Variants in SLC43A2 observed in about 807,000 individuals in gnomAD.
The protein encoded by SLC43A2 is large neutral amino acids transporter small subunit 4.
In SLC43A2, 38 loss-of-function variants were observed where a neutral mutation model predicts 63.2. That is an observed-to-expected ratio of 0.60 (90% CI 0.46 to 0.79). The LOEUF is 0.79. Ranked by LOEUF, SLC43A2 falls within the 30% of genes least tolerant of loss-of-function variation. SLC43A2 has a pLI of 0.00. For synonymous variants in SLC43A2, 322 were observed against 331.0 expected (o/e 0.97, Z 0.30); for missense variants, 644 against 756.2 (o/e 0.85, Z 1.74).
rs1440578935 is a variant in SLC43A2, at chr17:1,590,794, G to T, written c.1078+8C>A. 3.2e-6 allele frequency: 5 copies of T among 1,552,640 alleles called. No individual in the cohort carries two copies. In the East Asian group the frequency reaches 9.6e-5, roughly 30 times the overall value. ...GTGACAGCGACCGAGGCTGCCCGGGGCACCTACCTGTCTTCTGGTCGCCGC... is the reference window on the plus strand; with the variant it reads ...GTGACAGCGACCGAGGCTGCCCGGGTCACCTACCTGTCTTCTGGTCGCCGC... On this transcript the variant is annotated splice_region_variant and intron_variant, in intron 9 of 13. Transcript: ENST00000301335.
intron 5 of SLC43A2, among the ~76,000 whole-genome samples, chr17:1,610,733 G>A (rs550338968): frequency 8.0e-4 from 120 of 150,936 alleles, no homozygotes; most frequent in African/African-American, 2.7e-3. Context: ...AATAAAAAAT[G>A]TAATGAAAAA....
Position 1,575,660 on chromosome 17 carries a change from C to A in SLC43A2, c.1654G>T (p.Asp552Tyr). 1.2e-6 allele frequency: 2 copies of A among 1,614,078 alleles called. No homozygotes were observed. Among genetic ancestry groups the A allele is most frequent in the Non-Finnish European group, 1.7e-6 (2 of 1,180,010 alleles). ...TTGATTTTGAGGAAGAGTTTGTCATCCTCCTGCCTCTGCTGCAGCTGCCGC... is the reference window on the plus strand; with the variant it reads ...TTGATTTTGAGGAAGAGTTTGTCATACTCCTGCCTCTGCTGCAGCTGCCGC... ...LERQLQQRQEDDKLFLKINGS... is the reference protein window; with the variant it reads ...LERQLQQRQEYDKLFLKINGS... Residue 552 changes from aspartate to tyrosine, a missense_variant, in exon 14 of 14, where the codon GAT (aspartate) becomes TAT (tyrosine). Physicochemically the swap from Asp to Tyr is radical, Grantham distance 160. Coordinates refer to ENST00000301335, the MANE Select transcript of SLC43A2 (RefSeq NM_152346.3).
intron 2 of SLC43A2, among the ~76,000 whole-genome samples, chr17:1,627,156 G>A (rs1377666225): frequency 1.3e-5 from 2 of 152,188 alleles, no homozygotes; most frequent in Non-Finnish European, 2.9e-5. Context: ...GCCCGTGGGG[G>A]AAATGTCCTT....
intron 6 of SLC43A2, 75 bp from the exon 7 acceptor site, chr17:1,591,774 G>A (rs1356972472): frequency 3.2e-5 from 38 of 1,201,616 alleles, no homozygotes; most frequent in Non-Finnish European, 4.2e-5. Flanking sequence ...GCCGCAGCAG[G>A]CAGGGGCGTC....
At position 1,569,806 on chromosome 17, in the gene SLC43A2, C is replaced by T. The variant is rs1386493996; in HGVS notation, c.*5798G>A. 3 of 150,482 alleles carry T rather than the reference C, an allele frequency of 2.0e-5. No homozygotes were observed. Among genetic ancestry groups the T allele is most frequent in the African/African-American group, 2.5e-5 (1 of 40,802 alleles). 9.3% of individuals were successfully genotyped at this position (150,482 alleles called of 1,614,324 possible). The stretch of plus-strand genomic sequence containing the variant: ...GTGAAAGCCACAAAAGAAAAGTGAA[C>T]GAGAGAAGAGTTTCTTAAGGCTTTG... On this transcript the variant is annotated 3_prime_UTR_variant, in exon 14 of 14. Coordinates refer to ENST00000301335, the MANE Select transcript of SLC43A2 (RefSeq NM_152346.3).
chr17:1,612,120 G>A (rs781524157), intron 5 of SLC43A2, among the ~76,000 whole-genome samples: 1 of 151,842 alleles, frequency 6.6e-6, no homozygotes, highest in Admixed American at 6.6e-5. Flanking sequence ...TGCACCACCC[G>A]CCCGGCTAAT....
intron 11 of SLC43A2, among the ~76,000 whole-genome samples, chr17:1,581,202 C>CCACACACACACACGCA (rs2076007403): frequency 6.7e-6 from 1 of 148,364 alleles, no homozygotes; most frequent in South Asian, 2.2e-4. Context: ...TGCCCAGTGC[C>CCACACACACACACGCA]CACACACACA....
At chr17:1,586,722 C>T (rs544997059) in intron 9 of SLC43A2, among the ~76,000 whole-genome samples, 1 of 152,174 alleles carries the variant, frequency 6.6e-6, no homozygotes, top group East Asian at 1.9e-4. Flanking sequence ...CAGAAAGGCA[C>T]CGCTCACGGG....
At chr17:1,615,656 A>G (rs1349739117) in intron 3 of SLC43A2, among the ~76,000 whole-genome samples, 2 of 129,658 alleles carry the variant, frequency 1.5e-5, no homozygotes, top group Admixed American at 1.5e-4. Flanking sequence ...ATCCTGGCTA[A>G]CACAGTGAAA....
At chr17:1,597,774 G>A (rs1249734456) in intron 5 of SLC43A2, among the ~76,000 whole-genome samples, 2 of 152,014 alleles carry the variant, frequency 1.3e-5, no homozygotes, top group African/African-American at 4.8e-5. Context: ...CCTCCACCCT[G>A]GGCGACAGAG....
At chr17:1,603,821 A>C (rs1171348960) in intron 5 of SLC43A2, among the ~76,000 whole-genome samples, 4 of 152,114 alleles carry the variant, frequency 2.6e-5, no homozygotes, top group African/African-American at 9.7e-5. Flanking sequence ...ACAAAAACTT[A>C]AAGATTAGAA....
At chr17:1,629,587 T>TC (rs1485957225), upstream of SLC43A2, among the ~76,000 whole-genome samples, 1 of 151,962 alleles carries the variant, frequency 6.6e-6, no homozygotes, top group Non-Finnish European at 1.5e-5. Context: ...TCTCCTGAGC[T>TC]CCCCCCATCA....
chr17:1,617,504 C>T (rs1907788345), intron 2 of SLC43A2, among the ~76,000 whole-genome samples: 1 of 152,144 alleles, frequency 6.6e-6, no homozygotes. Context: ...AATTCTCCTG[C>T]CTCAGCCTCC....
At position 1,615,877 on chromosome 17, in the gene SLC43A2, T is replaced by TAA. The variant is rs1555544181; in HGVS notation, c.368+684_368+685insTT. 6.2e-4 allele frequency among the ~76,000 whole-genome samples: 87 copies of TAA among 139,672 alleles called. 1 individual carries two copies. Among genetic ancestry groups the TAA allele is most frequent in the East Asian group, 6.1e-3 (29 of 4,782 alleles). The allele number at this position is 139,672 out of a possible 152,430, so 91.6% of individuals were successfully genotyped here. A position where few individuals can be genotyped will look rare whatever the true frequency, so the allele number is the denominator to read the frequency against. The stretch of plus-strand genomic sequence containing the variant: ...ATAAATAAATAAATAAATAAATAAA[T>TAA]ATGAAAAATATAAAAATTAGCTGGG... On this transcript the variant is annotated intron_variant, in intron 3 of 13. Coordinates refer to ENST00000301335, the MANE Select transcript of SLC43A2 (RefSeq NM_152346.3).
intron 5 of SLC43A2, among the ~76,000 whole-genome samples, chr17:1,610,054 C>T (rs575087444): frequency 2.6e-5 from 4 of 152,046 alleles, no homozygotes; most frequent in South Asian, 2.1e-4. Context: ...GGATTACAGG[C>T]GTGTGCCACC....
intron 6 of SLC43A2, among the ~76,000 whole-genome samples, chr17:1,592,815 C>G (rs1344709428): frequency 6.6e-6 from 1 of 152,006 alleles, no homozygotes; most frequent in Non-Finnish European, 1.5e-5. Flanking sequence ...CTTTGGCTGG[C>G]GGGGAGTAAC....
At chr17:1,613,516 G>T (rs890753103) in intron 4 of SLC43A2, among the ~76,000 whole-genome samples, 2 of 152,108 alleles carry the variant, frequency 1.3e-5, no homozygotes, top group Non-Finnish European at 2.9e-5. Flanking sequence ...GCAATGGCAC[G>T]ATCCTGGCTC....
At chr17:1,621,133 A>G (rs1426244383) in intron 2 of SLC43A2, among the ~76,000 whole-genome samples, 4 of 152,178 alleles carry the variant, frequency 2.6e-5, no homozygotes, top group African/African-American at 9.7e-5. Context: ...GGGAGGACGT[A>G]CACCGTTCAG....
At chr17:1,627,346 G>A (rs765313573) in intron 2 of SLC43A2, among the ~76,000 whole-genome samples, 4 of 152,144 alleles carry the variant, frequency 2.6e-5, no homozygotes, top group Non-Finnish European at 5.9e-5. Context: ...TTTCTCACAA[G>A]CAGACAGCAA....
Sources: gnomAD v4.1 joint callset for allele counts (sites outside exome capture counted in the v4.1 genomes callset) on GRCh38, gnomAD v4.1.1 for gene constraint, MANE v1.5 for transcripts, NCBI Gene and HGNC (gene_info 2026-07-23, HGNC 2026-07-21) for gene names.